The following METTL9 variants were observed in gnomAD, a reference collection of about 807,000 sequenced individuals.
METTL9 encodes the protein methyltransferase 9, His-X-His N1(pi)-histidine.
Under a neutral mutation model 36.0 loss-of-function variants are expected in METTL9, and 10 were observed. The ratio of observed to expected loss-of-function variants is 0.28; its 90% CI spans 0.17 to 0.47. METTL9 has a LOEUF of 0.47. Among genes scored for constraint, METTL9 ranks in the 20% least tolerant of loss-of-function variants. The pLI, the probability that METTL9 is intolerant of heterozygous loss-of-function variation, is 0.99. For synonymous variants in METTL9, 175 were observed against 149.7 expected, an observed-to-expected ratio of 1.17 and a Z score of -1.23; for missense variants, 246 against 383.5, an observed-to-expected ratio of 0.64 and a Z score of 3.00.
chr16:21,621,775 T>C (rs1006947653), intron 3 of METTL9, among the ~76,000 whole-genome samples: 3 of 152,202 alleles, frequency 2.0e-5, no homozygotes, highest in African/African-American at 4.8e-5. Context: ...CAGTTTTCTT[T>C]ATATTGTTAG....
At chr16:21,609,226 A>G (rs226005) in intron 1 of METTL9, among the ~76,000 whole-genome samples, 121,379 of 152,024 alleles carry the variant, frequency 0.8, 49,268 homozygotes, top group African/African-American at 0.95. Context: ...CATGGCAGCG[A>G]TCTCTGTGGT....
intron 4 of METTL9, among the ~76,000 whole-genome samples, chr16:21,651,702 C>A (rs926962871): frequency 5.3e-5 from 8 of 152,144 alleles, no homozygotes; most frequent in Non-Finnish European, 1.0e-4. Context: ...AATCTTGTTT[C>A]TTTTCTCCTC....
chr16:21,643,262 C>T (rs893590351), intron 4 of METTL9: 10 of 778,884 alleles, frequency 1.3e-5, no homozygotes, highest in Non-Finnish European at 1.8e-5. Flanking sequence ...CCAAAAACTA[C>T]CCCCTCCCCC....
chr16:21,629,600 C>T (rs1465966967), intron 4 of METTL9, among the ~76,000 whole-genome samples: 1 of 152,060 alleles, frequency 6.6e-6, no homozygotes, highest in Non-Finnish European at 1.5e-5. Context: ...TCTTGCTGGC[C>T]TCAGGAGTGA....
intron 4 of METTL9, among the ~76,000 whole-genome samples, chr16:21,629,013 C>A (rs1965879629): frequency 6.6e-6 from 1 of 151,650 alleles, no homozygotes; most frequent in East Asian, 1.9e-4. Flanking sequence ...CCTGACTCAG[C>A]CTGCTGAGTA....
At chr16:21,632,156 A>G (rs226010) in intron 4 of METTL9, among the ~76,000 whole-genome samples, 90,479 of 152,110 alleles carry the variant, frequency 0.59, 27,770 homozygotes, top group South Asian at 0.75. Context: ...CAAAAACTCC[A>G]TAATTGCCTT....
chr16:21,654,843 C>T (rs1211886676), intron 4 of METTL9: 1 of 187,764 alleles, frequency 5.3e-6, no homozygotes, highest in Non-Finnish European at 1.1e-5. Flanking sequence ...ATGTTGCTCT[C>T]TGTTTCAGTA....
chr16:21,630,004 G>T (rs1008980738), intron 4 of METTL9, among the ~76,000 whole-genome samples: 2 of 152,196 alleles, frequency 1.3e-5, no homozygotes, highest in African/African-American at 4.8e-5. Context: ...TGACTGGTGC[G>T]TTTACAAACC....
intron 1 of METTL9, among the ~76,000 whole-genome samples, chr16:21,604,558 G>C (rs1965222248): frequency 6.6e-6 from 1 of 152,154 alleles, no homozygotes; most frequent in Non-Finnish European, 1.5e-5. Context: ...TGTACACATT[G>C]AAATCTCACA....
intron 4 of METTL9, chr16:21,647,021 G>T: frequency 7.3e-7 from 1 of 1,368,452 alleles, no homozygotes; most frequent in Non-Finnish European, 1.0e-6. Context: ...TCACTGGCTA[G>T]GGTATTAACT....
intron 1 of METTL9, among the ~76,000 whole-genome samples, chr16:21,608,285 G>A (rs1176895695): frequency 6.6e-6 from 1 of 152,114 alleles, no homozygotes; most frequent in African/African-American, 2.4e-5. Flanking sequence ...CTGCCCATTG[G>A]GTTAAAGGGG....
intron 4 of METTL9, among the ~76,000 whole-genome samples, chr16:21,650,827 C>T (rs1264800813): frequency 6.6e-6 from 1 of 152,094 alleles, no homozygotes; most frequent in African/African-American, 2.4e-5. Flanking sequence ...TTTAAGAATC[C>T]TCATATTCTA....
chr16:21,637,759 G>A (rs1297241739), intron 4 of METTL9, among the ~76,000 whole-genome samples: 5 of 152,348 alleles, frequency 3.3e-5, no homozygotes, highest in Non-Finnish European at 7.3e-5. Flanking sequence ...ACACTTCCCC[G>A]CGAGCAGAGA....
chr16:21,650,724 G>C (rs1172706266), intron 4 of METTL9, among the ~76,000 whole-genome samples: 1 of 152,084 alleles, frequency 6.6e-6, no homozygotes, highest in Non-Finnish European at 1.5e-5. Context: ...TGATGAAACT[G>C]TGGTTCCCTC....
intron 1 of METTL9, among the ~76,000 whole-genome samples, chr16:21,606,079 G>T (rs559485042): frequency 6.6e-6 from 1 of 152,224 alleles, no homozygotes; most frequent in East Asian, 1.9e-4. Context: ...GCTCACGCCT[G>T]TAATCCCGGC....
chr16:21,625,383 G>A (rs1965794613), intron 4 of METTL9: 2 of 447,480 alleles, frequency 4.5e-6, no homozygotes, highest in Non-Finnish European at 8.2e-6. Flanking sequence ...AAATGCAACT[G>A]TATCTCTGGT....
intron 4 of METTL9, among the ~76,000 whole-genome samples, chr16:21,625,391 G>A (rs974757884): frequency 6.6e-6 from 1 of 152,098 alleles, no homozygotes; most frequent in Non-Finnish European, 1.5e-5. Flanking sequence ...CTGTATCTCT[G>A]GTTTTAAATG....
chr16:21,650,732 C>T (rs1418410051), intron 4 of METTL9, among the ~76,000 whole-genome samples: 1 of 152,068 alleles, frequency 6.6e-6, no homozygotes, highest in African/African-American at 2.4e-5. Context: ...CTGTGGTTCC[C>T]TCCCCCAACC....
Position 21,656,956 on chromosome 16 carries a change from C to T in METTL9, c.*1524C>T, listed in dbSNP as rs1350082018. On this transcript the variant is annotated 3_prime_UTR_variant, in exon 5 of 5. Transcript: ENST00000358154. ...AAGTAAGTGAAGTACAAATACTTAG[C>T]ACCATAGATTGTAAAAATAGAAAGA... 4 of 151,988 alleles carry T rather than the reference C, an allele frequency of 2.6e-5. No homozygotes were observed. The highest frequency in any genetic ancestry group is 2.0e-4 in the Admixed American group (3 of 15,240). 9.4% of individuals were successfully genotyped at this position (151,988 alleles called of 1,614,324 possible).
Sources: gnomAD v4.1 joint callset for allele counts (sites outside exome capture counted in the v4.1 genomes callset) on GRCh38, gnomAD v4.1.1 for gene constraint, MANE v1.5 for transcripts, NCBI Gene and HGNC (gene_info 2026-07-23, HGNC 2026-07-21) for gene names.